DPYSL3: variants seen among roughly 807,000 people sequenced by gnomAD.
The protein encoded by DPYSL3 is dihydropyrimidinase-related protein 3.
In DPYSL3, 16 loss-of-function variants were observed where a neutral mutation model predicts 66.1. That is an observed-to-expected ratio of 0.24 (90% CI 0.16 to 0.37). DPYSL3 has a LOEUF of 0.37. DPYSL3 is among the 10% of genes least tolerant of loss of function. The probability of loss-of-function intolerance (pLI) is 1.00; values close to 1 mark genes in which losing one functional copy is unlikely to be tolerated. For synonymous variants in DPYSL3, 338 were observed against 345.1 expected (o/e 0.98, Z 0.23); for missense variants, 738 against 916.2 (o/e 0.81, Z 2.51).
intron 1 of DPYSL3, among the ~76,000 whole-genome samples, chr5:147,471,910 A>G (rs950011765): frequency 3.3e-5 from 5 of 152,102 alleles, no homozygotes; most frequent in African/African-American, 1.2e-4. Flanking sequence ...AGGCGTTTAC[A>G]TCTCTCCCGC....
chr5:147,486,547 T>G (rs1753331366), intron 1 of DPYSL3, among the ~76,000 whole-genome samples: 1 of 152,198 alleles, frequency 6.6e-6, no homozygotes, highest in African/African-American at 2.4e-5. Flanking sequence ...ATTCCGTGCC[T>G]TCTCCCTCCT....
At chr5:147,474,955 G>A (rs554467718) in intron 1 of DPYSL3, among the ~76,000 whole-genome samples, 4 of 151,982 alleles carry the variant, frequency 2.6e-5, no homozygotes, top group Non-Finnish European at 5.9e-5. Flanking sequence ...TTTCTTAAAG[G>A]AGAGTATGTA....
At chr5:147,459,624 A>G (rs541870696) in intron 1 of DPYSL3, among the ~76,000 whole-genome samples, 1 of 152,336 alleles carries the variant, frequency 6.6e-6, no homozygotes, top group East Asian at 1.9e-4. Flanking sequence ...TTACAGCCAC[A>G]GAAAAGTATT....
At chr5:147,428,265 T>C (rs1467547958) in intron 1 of DPYSL3, among the ~76,000 whole-genome samples, 3 of 152,166 alleles carry the variant, frequency 2.0e-5, no homozygotes, top group African/African-American at 7.2e-5. Flanking sequence ...AATATTAACA[T>C]TATTAATTTG....
intron 3 of DPYSL3, among the ~76,000 whole-genome samples, chr5:147,416,938 T>C (rs1207277760): frequency 6.6e-6 from 1 of 152,146 alleles, no homozygotes; most frequent in Non-Finnish European, 1.5e-5. Flanking sequence ...GACATATTAT[T>C]TAGCAAAAAT....
At chr5:147,498,725 C>T (rs1753558967) in intron 1 of DPYSL3, among the ~76,000 whole-genome samples, 1 of 152,060 alleles carries the variant, frequency 6.6e-6, no homozygotes, top group Non-Finnish European at 1.5e-5. Flanking sequence ...TTGTTGGCTG[C>T]ATGTATGTCT....
chr5:147,469,899 T>C (rs1218261218), intron 1 of DPYSL3, among the ~76,000 whole-genome samples: 1 of 152,196 alleles, frequency 6.6e-6, no homozygotes, highest in Admixed American at 6.5e-5. Context: ...TGGTGCACCA[T>C]CTTGATCCTT....
At chr5:147,504,055 C>T (rs1450049099) in intron 1 of DPYSL3, among the ~76,000 whole-genome samples, 1 of 152,206 alleles carries the variant, frequency 6.6e-6, no homozygotes, top group African/African-American at 2.4e-5. Context: ...CATTTGCAGT[C>T]ACAGATTGCA....
At chr5:147,410,647 GGCTAAAGAT>G (rs1342882406) in intron 6 of DPYSL3, among the ~76,000 whole-genome samples, 1 of 152,116 alleles carries the variant, frequency 6.6e-6, no homozygotes, top group African/African-American at 2.4e-5. Flanking sequence ...TTGAACGAAT[GGCTAAAGAT>G]GCTGTCGTCT....
At chr5:147,495,645 A>C (rs532228350) in intron 1 of DPYSL3, among the ~76,000 whole-genome samples, 40 of 152,312 alleles carry the variant, frequency 2.6e-4, no homozygotes, top group Middle Eastern at 3.4e-3. Flanking sequence ...ACTCCCATTC[A>C]CAATTGCTTC....
chr5:147,472,406 T>C (rs1358332874), intron 1 of DPYSL3, among the ~76,000 whole-genome samples: 1 of 152,204 alleles, frequency 6.6e-6, no homozygotes, highest in Non-Finnish European at 1.5e-5. Context: ...GCCATGTCTA[T>C]TTTATTAACA....
At chr5:147,496,419 A>G (rs928185625) in intron 1 of DPYSL3, among the ~76,000 whole-genome samples, 1 of 152,180 alleles carries the variant, frequency 6.6e-6, no homozygotes, top group African/African-American at 2.4e-5. Flanking sequence ...TAAACTAAAG[A>G]GCTTCTGCAC....
chr5:147,435,349 C>T (rs563036606), intron 1 of DPYSL3, among the ~76,000 whole-genome samples: 1 of 152,322 alleles, frequency 6.6e-6, no homozygotes, highest in East Asian at 1.9e-4. Flanking sequence ...TTCAATCAAT[C>T]TTCAAGTGCT....
intron 1 of DPYSL3, among the ~76,000 whole-genome samples, chr5:147,459,142 C>T (rs1443243093): frequency 1.3e-5 from 2 of 152,030 alleles, no homozygotes; most frequent in African/African-American, 4.8e-5. Flanking sequence ...AGAATATTCT[C>T]TGTCCTTTAA....
At chr5:147,499,888 AT>A (rs1468106188) in intron 1 of DPYSL3, among the ~76,000 whole-genome samples, 3 of 152,268 alleles carry the variant, frequency 2.0e-5, no homozygotes, top group Admixed American at 1.3e-4. Context: ...GTAGACCTAC[AT>A]AAAAGTAATC....
intron 4 of DPYSL3, among the ~76,000 whole-genome samples, chr5:147,414,952 A>G (rs549811765): frequency 1.1e-4 from 17 of 152,248 alleles, no homozygotes; most frequent in African/African-American, 3.6e-4. Context: ...AGCAAAGGCC[A>G]TTACTTACAC....
rs1323324495 is a variant in DPYSL3, at chr5:147,412,670, A to G, written c.901T>C (p.Cys301Arg). ...SNTELYEIFTCLGELGAIAQV... is the reference protein window; with the variant it reads ...SNTELYEIFTRLGELGAIAQV... The stretch of plus-strand genomic sequence containing the variant: ...GCAATGGCCCCCAGCTCTCCCAGGC[A>G]GGTGAAGATCTCATAGAGCTGAAAT... The change falls in exon 6 of 14, where the codon TGC (cysteine) becomes CGC (arginine). Residue 301 changes from cysteine to arginine, a missense_variant. Cys to Arg is a radical substitution (Grantham distance 180). Transcript: ENST00000343218. 6.2e-7 allele frequency: 1 copy of G among 1,612,228 alleles called. No homozygotes were observed. The highest frequency in any genetic ancestry group is 8.5e-7 in the Non-Finnish European group (1 of 1,179,148).
At chr5:147,410,364 T>C (rs1305952490) in intron 6 of DPYSL3, among the ~76,000 whole-genome samples, 2 of 152,176 alleles carry the variant, frequency 1.3e-5, no homozygotes, top group Non-Finnish European at 2.9e-5. Flanking sequence ...TTAGAAAAAT[T>C]TGGTGATTCT....
intron 1 of DPYSL3, among the ~76,000 whole-genome samples, chr5:147,497,397 T>C (rs1438132549): frequency 1.3e-5 from 2 of 151,948 alleles, no homozygotes; most frequent in Non-Finnish European, 2.9e-5. Context: ...ACTTAAAGTA[T>C]AATAATAATA....
Sources: gnomAD v4.1 joint callset for allele counts (sites outside exome capture counted in the v4.1 genomes callset) on GRCh38, gnomAD v4.1.1 for gene constraint, MANE v1.5 for transcripts, NCBI Gene and HGNC (gene_info 2026-07-23, HGNC 2026-07-21) for gene names.